The following CALCOCO1 variants were observed in gnomAD, a reference collection of about 807,000 sequenced individuals.
CALCOCO1 encodes calcium-binding and coiled-coil domain-containing protein 1.
In CALCOCO1, 44 loss-of-function variants were observed where a neutral mutation model predicts 86.3. The observed-to-expected ratio is 0.51, with a 90% confidence interval of 0.40 to 0.66. The LOEUF (loss-of-function observed/expected upper bound fraction) is 0.66, where lower values mean the gene tolerates loss of function less well. CALCOCO1 is among the 30% of genes least tolerant of loss of function. The pLI, the probability that CALCOCO1 is intolerant of heterozygous loss-of-function variation, is 0.00. For missense variants in CALCOCO1, 708 were observed against 851.1 expected (o/e 0.83, Z 2.09); for synonymous variants, 297 against 327.6 (o/e 0.91, Z 1.01).
chr12:53,715,880 G>A lies in CALCOCO1; in HGVS notation c.1173C>T (p.Asn391=), dbSNP rs534936947. ...GCAAACCGAGCTCAGCCAGCCTGCC[G>A]TTAACTTCAGCCACTTCCAGGCGGC... ...HRSRLEVAEV[N]GRLAELGLHL... Residue 391 remains asparagine (N), a synonymous_variant, in exon 9 of 15, where the codon AAC becomes AAT. Coordinates refer to ENST00000550804, the MANE Select transcript of CALCOCO1 (RefSeq NM_020898.3). The A allele has an allele frequency of 2.0e-5, 33 of 1,614,158 alleles. No homozygotes were observed. Among genetic ancestry groups the A allele is most frequent in the Admixed American group, 6.7e-5 (4 of 60,024 alleles).
At chr12:53,722,943 C>CAA (rs58897806) in intron 4 of CALCOCO1, 5,871 of 192,556 alleles carry the variant, frequency 0.03, 22 homozygotes, top group South Asian at 0.047. Flanking sequence ...AAGGCTGTCT[C>CAA]AAAAAAAAAA....
intron 6 of CALCOCO1, 103 bp from the exon 7 acceptor site, chr12:53,719,932 G>GTGAAATGGAGCTCTGGGC: frequency 1.4e-6 from 1 of 704,832 alleles, no homozygotes; most frequent in Non-Finnish European, 2.4e-6. Flanking sequence ...TAGGCCCAGA[G>GTGAAATGGAGCTCTGGGC]CTCCATTTCA....
At chr12:53,721,041 T>A (rs904140116) in intron 6 of CALCOCO1, among the ~76,000 whole-genome samples, 4 of 152,212 alleles carry the variant, frequency 2.6e-5, no homozygotes, top group Non-Finnish European at 4.4e-5. Flanking sequence ...TTTGCATCTT[T>A]TTTTTCCAGG....
chr12:53,712,389 C>T (rs78366014), intron 14 of CALCOCO1: 147 of 394,382 alleles, frequency 3.7e-4, no homozygotes, highest in African/African-American at 2.9e-3. Flanking sequence ...CCTCCATCTC[C>T]GTCTGCTGCC....
intron 4 of CALCOCO1, chr12:53,722,982 A>C (rs530525975): frequency 1.3e-4 from 51 of 392,382 alleles, no homozygotes; most frequent in South Asian, 9.3e-4. Context: ...GAAAAGAAAA[A>C]CCCAAAAAAC....
chr12:53,724,187 C>T (rs770972442), intron 3 of CALCOCO1: 16 of 448,668 alleles, frequency 3.6e-5, no homozygotes, highest in South Asian at 2.2e-4. Context: ...TGCACCACCA[C>T]GCCTGGCCTG....
rs370801977 is a variant in CALCOCO1, at chr12:53,712,075, C to T, written c.1945G>A (p.Ala649Thr). Residue 649 changes from alanine (A) to threonine (T), a missense_variant, in exon 15 of 15, where the codon GCC becomes ACC. Coordinates refer to ENST00000550804, the MANE Select transcript of CALCOCO1 (RefSeq NM_020898.3). ...TLSETSTGGPATPTWKECPIC... is the reference protein window; with the variant it reads ...TLSETSTGGPTTPTWKECPIC... The stretch of plus-strand genomic sequence containing the variant: ...GGACACTCCTTCCATGTGGGGGTGG[C>T]AGGGCCCCCAGTGCTGGTTTCTGAC... 14 of 1,610,344 alleles carry T rather than the reference C, an allele frequency of 8.7e-6. No individual in the cohort carries two copies. The highest frequency in any genetic ancestry group is 1.2e-5 in the Non-Finnish European group (14 of 1,178,334).
rs368248775 is a variant in CALCOCO1, at chr12:53,714,706, G to A, written c.1387-13C>T. ...CTGACAACTGTACCTGAGGGAAGAG[G>A]GCCCAATGGAATCTGGAGCCTAGAA... On this transcript the variant is annotated splice_polypyrimidine_tract_variant and intron_variant, in intron 10 of 14. Transcript: ENST00000550804. The A allele has an allele frequency of 1.9e-6, 3 of 1,598,682 alleles. No individual in the cohort carries two copies. The African/African-American group carries it at 4.0e-5, about 21-fold the overall frequency.
At position 53,719,818 on chromosome 12, in the gene CALCOCO1, G is replaced by T; in HGVS notation, c.770C>A (p.Thr257Lys). Reference sequence around the variant, plus strand: ...TTGTTCCCGAGTCAGGGCCTTCACTGTGTCTCTAAGCCTGTGATTGGTGGG... The same window carrying T: ...TTGTTCCCGAGTCAGGGCCTTCACTTTGTCTCTAAGCCTGTGATTGGTGGG... Reference protein sequence around the residue: ...KEVELDRLRDTVKALTREQEK... With the variant: ...KEVELDRLRDKVKALTREQEK... Residue 257 changes from threonine (T) to lysine (K), a missense_variant, in exon 7 of 15, where the codon ACA (threonine) becomes AAA (lysine). Coordinates refer to ENST00000550804, the MANE Select transcript of CALCOCO1 (RefSeq NM_020898.3). The T allele has an allele frequency of 1.2e-6, 2 of 1,612,684 alleles. No homozygotes were observed.
At chr12:53,715,684 G>C in intron 9 of CALCOCO1, 109 bp downstream of exon 9, 9 of 1,457,914 alleles carry the variant, frequency 6.2e-6, no homozygotes, top group Non-Finnish European at 1.9e-6. Flanking sequence ...AGTCCTCTAA[G>C]GTTCTCAACC....
intron 4 of CALCOCO1, 142 bp from the exon 5 acceptor site, chr12:53,722,325 G>A: frequency 1.2e-6 from 1 of 863,104 alleles, no homozygotes; most frequent in Non-Finnish European, 1.8e-6. Flanking sequence ...GGGATGCTCA[G>A]TGTGCTACCG....
chr12:53,725,770 T>C (rs1043547572), intron 1 of CALCOCO1: 9 of 152,296 alleles, frequency 5.9e-5, no homozygotes, highest in African/African-American at 2.2e-4. Flanking sequence ...CTGAAAGGAA[T>C]GGTTGAGTTT....
chr12:53,712,647 G>A (rs1302886295), intron 14 of CALCOCO1: 1 of 384,842 alleles, frequency 2.6e-6, no homozygotes, highest in African/African-American at 2.1e-5. Flanking sequence ...GTTACCCAGG[G>A]AAGTCAGGGA....
rs1383626762 is a variant in CALCOCO1 at position 53,710,693 on chromosome 12, A to AT, written c.*1250dup. On this transcript the variant is annotated 3_prime_UTR_variant, in exon 15 of 15. Coordinates refer to ENST00000550804, the MANE Select transcript of CALCOCO1 (RefSeq NM_020898.3). ...CCTTTAGAGGTATGAGGCTTAGGGCATTTTTTACTAAGTAGATACTCAAAG... is the reference window on the plus strand; with the variant it reads ...CCTTTAGAGGTATGAGGCTTAGGGCATTTTTTTACTAAGTAGATACTCAAAG... 1 of 152,098 alleles carries AT rather than the reference A, an allele frequency of 6.6e-6. No homozygotes were observed. The highest frequency in any genetic ancestry group is 1.9e-4 in the East Asian group (1 of 5,208). The allele number at this position is 152,098 out of a possible 1,614,324, so 9.4% of individuals were successfully genotyped here.
Position 53,721,563 on chromosome 12 carries a change from C to A in CALCOCO1, c.662G>T (p.Arg221Leu), listed in dbSNP as rs371310406. 6.2e-7 allele frequency: 1 copy of A among 1,613,610 alleles called. No homozygotes were observed. The highest frequency in any genetic ancestry group is 1.1e-5 in the South Asian group (1 of 91,056). Residue 221 changes from arginine to leucine, a missense_variant, in exon 6 of 15, where the codon CGG (arginine) becomes CTG (leucine). By Grantham distance (102) the Arg-to-Leu change is moderately radical. Coordinates refer to ENST00000550804, the MANE Select transcript of CALCOCO1 (RefSeq NM_020898.3). ...GCGTGCCACATGGTCTCCCTGTTGC[C>A]GGCTCAGGATGTCCCTCTCTTCTGT... ...EITEERDILS[R>L]QQGDHVARIL...
At chr12:53,720,564 A>C (rs1945841833) in intron 6 of CALCOCO1, among the ~76,000 whole-genome samples, 1 of 152,226 alleles carries the variant, frequency 6.6e-6, no homozygotes, top group Admixed American at 6.5e-5. Context: ...ATGACTTAGA[A>C]TGTAGACATC....
chr12:53,724,278 T>G, intron 3 of CALCOCO1: 1 of 372,162 alleles, frequency 2.7e-6, no homozygotes, highest in Non-Finnish European at 5.3e-6. Context: ...CACAGGGAGG[T>G]TATGTAATTT....
Position 53,722,195 on chromosome 12 carries a change from A to G in CALCOCO1, c.451-12T>C. On this transcript the variant is annotated splice_polypyrimidine_tract_variant and intron_variant, in intron 4 of 14. Transcript: ENST00000550804. Reference sequence around the variant, plus strand: ...TCATCGAGCTGGTTCTACAGGCAGCAGAAGGAGAAGGGGAGTGTGCTGGTG... The same window carrying G: ...TCATCGAGCTGGTTCTACAGGCAGCGGAAGGAGAAGGGGAGTGTGCTGGTG... 6.2e-7 allele frequency: 1 copy of G among 1,611,762 alleles called. No homozygotes were observed. The highest frequency in any genetic ancestry group is 8.5e-7 in the Non-Finnish European group (1 of 1,180,000).
At chr12:53,721,318 G>A (rs559922315) in intron 6 of CALCOCO1, 149 bp downstream of exon 6, 3 of 678,918 alleles carry the variant, frequency 4.4e-6, no homozygotes, top group East Asian at 2.8e-5. Flanking sequence ...GGCAGAAAAG[G>A]GTATCCCCAG....
Sources: gnomAD v4.1 joint callset for allele counts (sites outside exome capture counted in the v4.1 genomes callset) on GRCh38, gnomAD v4.1.1 for gene constraint, MANE v1.5 for transcripts, NCBI Gene and HGNC (gene_info 2026-07-23, HGNC 2026-07-21) for gene names.